U2SURP: variants seen among roughly 807,000 people sequenced by gnomAD.
U2SURP encodes U2 snRNP associated SURP domain containing.
In U2SURP, 9 loss-of-function variants were observed where a neutral mutation model predicts 144.9. The ratio of observed to expected loss-of-function variants is 0.06; its 90% CI spans 0.04 to 0.11. U2SURP has a LOEUF of 0.11. Ranked by LOEUF, U2SURP falls within the 10% of genes least tolerant of loss-of-function variation. The pLI is 1.00. For missense variants in U2SURP, 724 were observed against 1,226.7 expected (o/e 0.59, Z 6.12); for synonymous variants, 408 against 396.8 (o/e 1.03, Z -0.33).
At position 143,022,671 on chromosome 3, in the gene U2SURP, A is replaced by G. The variant is rs139714322; in HGVS notation, c.1018+9A>G. 376 of 1,604,800 alleles carry G rather than the reference A, an allele frequency of 2.3e-4. No homozygotes were observed. Among genetic ancestry groups the G allele is most frequent in the Non-Finnish European group, 3.0e-4 (356 of 1,176,136 alleles). ...TTTAAAAAATTTGAATGGTAAGAAC[A>G]TTTTTATTATCCATTTATACAATTC... On this transcript the variant is annotated intron_variant, in intron 11 of 27. Transcript: ENST00000473835.
chr3:143,056,054 A>G (rs1935132984), intron 27 of U2SURP, among the ~76,000 whole-genome samples: 1 of 152,208 alleles, frequency 6.6e-6, no homozygotes, highest in African/African-American at 2.4e-5. Context: ...ATTTTGATTC[A>G]GTAGAGCAGT....
At chr3:143,002,370 C>T (rs1014022454) in intron 1 of U2SURP, 1 of 152,270 alleles carries the variant, frequency 6.6e-6, no homozygotes, top group Non-Finnish European at 1.5e-5. Context: ...TTGTAAGCTA[C>T]ATACGATTAG....
At chr3:143,033,192 T>G (rs1933601689) in intron 17 of U2SURP, 79 bp from the exon 18 acceptor site, 4 of 951,512 alleles carry the variant, frequency 4.2e-6, no homozygotes, top group Non-Finnish European at 6.4e-6. Context: ...ATAACTCTTC[T>G]AATTAGTAGC....
rs1409560128 is a variant in U2SURP, at chr3:143,033,186, C to G, written c.1774-85C>G. On this transcript the variant is annotated intron_variant, in intron 17 of 27. Coordinates refer to ENST00000473835, the MANE Select transcript of U2SURP (RefSeq NM_001080415.2). ...TGTGGTGATACTGAGCTTCATATAA[C>G]TCTTCTAATTAGTAGCCATAATTAA... 3.3e-6 allele frequency: 3 copies of G among 912,694 alleles called. No individual in the cohort carries two copies. In the Admixed American group the frequency reaches 7.2e-5, roughly 22 times the overall value. 56.5% of individuals were successfully genotyped at this position (912,694 alleles called of 1,614,324 possible).
At chr3:143,006,472 GCGGCCGGGCACAGTGCCTCC>G (rs1344671436) in intron 1 of U2SURP, among the ~76,000 whole-genome samples, 2 of 152,076 alleles carry the variant, frequency 1.3e-5, no homozygotes, top group Non-Finnish European at 2.9e-5. Flanking sequence ...CCCATTTTTA[GCGGCCGGGCACAGTGCCTCC>G]CGCCTGTAAT....
rs1935279024 is a variant in U2SURP at position 143,059,251 on chromosome 3, T to G, written c.*2801T>G. 6.6e-6 allele frequency: 1 copy of G among 152,342 alleles called. No individual in the cohort carries two copies. 9.4% of individuals were successfully genotyped at this position (152,342 alleles called of 1,614,324 possible). A position where few individuals can be genotyped will look rare whatever the true frequency, so the allele number is the denominator to read the frequency against. On this transcript the variant is annotated 3_prime_UTR_variant, in exon 28 of 28. Coordinates refer to ENST00000473835, the MANE Select transcript of U2SURP (RefSeq NM_001080415.2). ...TTTGCTTTTATTTGGCTCAGAATGT[T>G]TTTGGCTTTTCTGCTAAAGATGGCA...
chr3:143,052,153 G>A (rs906972856), intron 25 of U2SURP, among the ~76,000 whole-genome samples: 2 of 152,142 alleles, frequency 1.3e-5, no homozygotes, highest in African/African-American at 2.4e-5. Flanking sequence ...TCGGGAGGCC[G>A]GGCAATCACC....
chr3:143,011,613 CATTAT>C (rs1560176707), intron 2 of U2SURP, among the ~76,000 whole-genome samples: 3 of 152,042 alleles, frequency 2.0e-5, no homozygotes, highest in African/African-American at 7.2e-5. Context: ...TACTTGTAGT[CATTAT>C]ATTCTTCCCC....
intron 24 of U2SURP, among the ~76,000 whole-genome samples, chr3:143,049,924 T>C (rs578016733): frequency 1.3e-5 from 2 of 152,180 alleles, no homozygotes; most frequent in Non-Finnish European, 2.9e-5. Flanking sequence ...GTATATTACA[T>C]GTATTTGTTT....
intron 25 of U2SURP, among the ~76,000 whole-genome samples, chr3:143,052,815 TA>T (rs1268676178): frequency 6.6e-6 from 1 of 152,246 alleles, no homozygotes; most frequent in African/African-American, 2.4e-5. Context: ...GTAGAGAAAT[TA>T]AATTCCATTT....
At chr3:143,020,295 G>A (rs1400238256) in intron 7 of U2SURP, among the ~76,000 whole-genome samples, 1 of 152,222 alleles carries the variant, frequency 6.6e-6, no homozygotes, top group Non-Finnish European at 1.5e-5. Flanking sequence ...AGTGGAAACA[G>A]TATACTCACT....
At chr3:143,035,865 TA>T in intron 19 of U2SURP, 116 bp from the exon 20 acceptor site, 2 of 1,089,584 alleles carry the variant, frequency 1.8e-6, no homozygotes, top group Admixed American at 3.5e-5. Context: ...CTTTAAAGTT[TA>T]AAAAAACATC....
chr3:143,056,232 C>T, intron 27 of U2SURP, 80 bp from the exon 28 acceptor site: 1 of 1,437,580 alleles, frequency 7.0e-7, no homozygotes, highest in South Asian at 1.4e-5. Flanking sequence ...TGTTAAAGAT[C>T]ATTTTCGATC....
chr3:143,026,657 T>C (rs1933163839), intron 13 of U2SURP: 1 of 152,160 alleles, frequency 6.6e-6, no homozygotes, highest in Admixed American at 6.6e-5. Flanking sequence ...TAAATAGTTT[T>C]GCATTTTTAT....
At chr3:143,043,753 T>TA (rs1934248843) in intron 24 of U2SURP, among the ~76,000 whole-genome samples, 1 of 151,528 alleles carries the variant, frequency 6.6e-6, no homozygotes, top group Non-Finnish European at 1.5e-5. Context: ...CATTATGTGT[T>TA]ATGTACTGTG....
At position 143,045,911 on chromosome 3, in the gene U2SURP, T is replaced by G. The variant is rs140150114; in HGVS notation, c.2544+2635T>G. Among the ~76,000 whole-genome samples, 131 of 152,374 alleles carry G rather than the reference T, an allele frequency of 8.6e-4. 1 individual carries two copies. The highest frequency in any genetic ancestry group is 3.1e-3 in the African/African-American group (128 of 41,590). On this transcript the variant is annotated intron_variant, in intron 24 of 27. Coordinates refer to ENST00000473835, the MANE Select transcript of U2SURP (RefSeq NM_001080415.2). ...TCCACAACAGGTGGCAAACTTGGAC[T>G]AGAACTCGGAGCTCATGAGCTTTAT...
chr3:143,014,209 A>G, intron 3 of U2SURP, 102 bp from the exon 4 acceptor site: 3 of 639,602 alleles, frequency 4.7e-6, no homozygotes, highest in Non-Finnish European at 7.3e-6. Flanking sequence ...ATTTAAAAAA[A>G]AACGGCAGTC....
At chr3:143,033,036 T>TCAGTC in intron 17 of U2SURP, 90 bp downstream of exon 17, 2 of 1,415,020 alleles carry the variant, frequency 1.4e-6, no homozygotes, top group South Asian at 2.7e-5. Flanking sequence ...ACTTGACTGA[T>TCAGTC]GAGATTTTTC....
chr3:143,021,238 T>C, intron 8 of U2SURP, 112 bp from the exon 9 acceptor site: 9 of 1,192,460 alleles, frequency 7.5e-6, no homozygotes, highest in Non-Finnish European at 8.4e-6. Context: ...GGTCTCTCTT[T>C]TTGTCTCTCA....
Sources: allele counts gnomAD v4.1 joint callset (sites outside exome capture counted in the v4.1 genomes callset), GRCh38; gene constraint gnomAD v4.1.1; transcripts MANE v1.5; gene names NCBI Gene and HGNC (gene_info 2026-07-23, HGNC 2026-07-21).